Variants in IGF2R observed in about 807,000 individuals in gnomAD.
The protein encoded by IGF2R is insulin like growth factor 2 receptor.
Under a neutral mutation model 270.6 loss-of-function variants are expected in IGF2R, and 91 were observed. The ratio of observed to expected loss-of-function variants is 0.34; its 90% confidence interval spans 0.28 to 0.40. IGF2R has a LOEUF of 0.40. IGF2R is among the 10% of genes least tolerant of loss of function. The probability of loss-of-function intolerance (pLI) is 1.00; values close to 1 mark genes in which losing one functional copy is unlikely to be tolerated. For missense variants in IGF2R, 2,805 were observed against 3,188.3 expected (o/e 0.88, Z 2.90); for synonymous variants, 1,316 against 1,258.9 (o/e 1.05, Z -0.96).
intron 8 of IGF2R, 106 bp from the exon 9 acceptor site, chr6:160,032,836 G>A (rs755364133): frequency 2.1e-6 from 3 of 1,397,342 alleles, no homozygotes; most frequent in East Asian, 2.3e-5. Flanking sequence ...TGTAGTTTGG[G>A]CTGGTGTTTC....
chr6:160,021,499 C>T lies in IGF2R; in HGVS notation c.514-3073C>T, dbSNP rs907716997. On this transcript the variant is annotated intron_variant, in intron 4 of 47. Transcript: ENST00000356956. ...AGGAGATATACCTAATGCTAAATGA[C>T]GAGTTAATGGGTTCAGCACACCAAC... Among the ~76,000 whole-genome samples the T allele has an allele frequency of 4.7e-5, 7 of 149,518 alleles. No homozygotes were observed. The South Asian group carries it at 6.4e-4, about 14-fold the overall frequency.
At chr6:160,009,205 A>G (rs976783898) in intron 3 of IGF2R, 71 bp downstream of exon 3, 20 of 1,379,340 alleles carry the variant, frequency 1.4e-5, no homozygotes, top group South Asian at 5.6e-5. Flanking sequence ...TTCTGGCTGT[A>G]GAGGTATTCC....
chr6:159,994,791 C>T (rs1162511285), intron 2 of IGF2R, among the ~76,000 whole-genome samples: 1 of 152,112 alleles, frequency 6.6e-6, no homozygotes, highest in Non-Finnish European at 1.5e-5. Flanking sequence ...TTTTATTCCG[C>T]TGTGATCTGG....
At chr6:160,061,688 A>G in intron 24 of IGF2R, 42 bp downstream of exon 24, 3 of 1,613,604 alleles carry the variant, frequency 1.9e-6, no homozygotes, top group Non-Finnish European at 2.5e-6. Context: ...TGTTCATTTT[A>G]TTAGAGCATT....
chr6:160,072,457 G>T (rs746998186), intron 32 of IGF2R, among the ~76,000 whole-genome samples: 1 of 152,204 alleles, frequency 6.6e-6, no homozygotes, highest in African/African-American at 2.4e-5. Context: ...CAGTCCATTG[G>T]CAGCAAGAGG....
At position 160,064,387 on chromosome 6, in the gene IGF2R, C is replaced by T. The variant is rs766367507; in HGVS notation, c.3887-14C>T. On this transcript the variant is annotated splice_polypyrimidine_tract_variant and intron_variant, in intron 27 of 47. Coordinates refer to ENST00000356956, the MANE Select transcript of IGF2R (RefSeq NM_000876.4). The stretch of plus-strand genomic sequence containing the variant: ...CCCGAACCAAACCTTGTTTAATGTT[C>T]TCCTTCTTTACAGGTCTCCTGACTC... 2 of 1,614,140 alleles carry T rather than the reference C, an allele frequency of 1.2e-6. No individual in the cohort carries two copies. The highest frequency in any genetic ancestry group is 1.7e-5 in the Admixed American group (1 of 60,016).
chr6:159,986,339 C>G (rs1265014770), intron 1 of IGF2R, among the ~76,000 whole-genome samples: 2 of 150,360 alleles, frequency 1.3e-5, no homozygotes, highest in East Asian at 3.9e-4. Context: ...TCAAGCTATT[C>G]TCGTGCCTCA....
At position 160,061,865 on chromosome 6, in the gene IGF2R, C is replaced by T. The variant is rs116968873; in HGVS notation, c.3519C>T (p.Asn1173=). The T allele has an allele frequency of 1.9e-4, 309 of 1,614,150 alleles. 4 individuals carry two copies. In the East Asian group the frequency reaches 3.6e-3, roughly 19 times the overall value. ...ANGSLSIMYV[N]GDKCGNQRFS... ...GATCTTTGAGCATCATGTATGTCAACGGTGACAAGTGTGGGAACCAGCGCT... is the reference window on the plus strand; with the variant it reads ...GATCTTTGAGCATCATGTATGTCAATGGTGACAAGTGTGGGAACCAGCGCT... The change falls in exon 25 of 48, where the codon AAC becomes AAT. Residue 1173 remains asparagine, a synonymous_variant. Transcript: ENST00000356956.
chr6:160,087,722 T>C (rs567598057), intron 41 of IGF2R, among the ~76,000 whole-genome samples: 9 of 152,296 alleles, frequency 5.9e-5, no homozygotes, highest in Non-Finnish European at 1.2e-4. Context: ...CAGGCTGGAG[T>C]GCAATGGCGC....
intron 44 of IGF2R, among the ~76,000 whole-genome samples, chr6:160,091,037 C>G (rs376036920): frequency 8.5e-6 from 1 of 117,788 alleles, no homozygotes; most frequent in African/African-American, 3.4e-5. Context: ...CTGAGCGCAT[C>G]GCTGAGAAGG....
intron 22 of IGF2R, 122 bp from the exon 23 acceptor site, chr6:160,060,425 T>C: frequency 1.1e-6 from 1 of 901,170 alleles, no homozygotes; most frequent in Non-Finnish European, 1.8e-6. Flanking sequence ...GTGTCATTGC[T>C]CCCACGAACG....
At chr6:160,039,417 G>T (rs942760514) in intron 10 of IGF2R, among the ~76,000 whole-genome samples, 1 of 152,234 alleles carries the variant, frequency 6.6e-6, no homozygotes, top group Admixed American at 6.5e-5. Flanking sequence ...TATAAAGAAA[G>T]TACTTAAACA....
At position 160,105,179 on chromosome 6, in the gene IGF2R, C is replaced by G; in HGVS notation, c.*95C>G. On this transcript the variant is annotated 3_prime_UTR_variant, in exon 48 of 48. Coordinates refer to ENST00000356956, the MANE Select transcript of IGF2R (RefSeq NM_000876.4). ...ACTCGATGATGCTTCTATAATTTTG[C>G]CTTTAACAGAAACTTTCAAAAGGGA... 8.5e-7 allele frequency: 1 copy of G among 1,173,640 alleles called. No individual in the cohort carries two copies. The allele number at this position is 1,173,640 out of a possible 1,614,324, so 72.7% of individuals were successfully genotyped here. A position where few individuals can be genotyped will look rare whatever the true frequency, so the allele number is the denominator to read the frequency against.
At position 160,064,432 on chromosome 6, in the gene IGF2R, T is replaced by A; in HGVS notation, c.3918T>A (p.Asn1306Lys). ...GLLTQKLTYE[N>K]GLLKMNFTGG... ...TGACTCAGAAGCTAACTTATGAAAATGGCTTGTTAAAAATGAACTTCACGG... is the reference window on the plus strand; with the variant it reads ...TGACTCAGAAGCTAACTTATGAAAAAGGCTTGTTAAAAATGAACTTCACGG... The change falls in exon 28 of 48, where the codon AAT becomes AAA. Residue 1306 changes from asparagine (N) to lysine (K), a missense_variant. Physicochemically the swap from Asn to Lys is moderately conservative, Grantham distance 94. This residue lies in a region of IGF2R where 1,851 missense variants were observed against 2,207.2 expected (regional missense o/e 0.84). Coordinates refer to ENST00000356956, the MANE Select transcript of IGF2R (RefSeq NM_000876.4). 6.2e-7 allele frequency: 1 copy of A among 1,614,090 alleles called. No individual in the cohort carries two copies. The highest frequency in any genetic ancestry group is 8.5e-7 in the Non-Finnish European group (1 of 1,180,012).
chr6:160,026,898 ATGT>A (rs1233990990), intron 5 of IGF2R, among the ~76,000 whole-genome samples: 1 of 152,032 alleles, frequency 6.6e-6, no homozygotes, highest in Admixed American at 6.6e-5. Context: ...GATAGTGCTA[ATGT>A]TGTTGTACCT....
rs757762773 is a variant in IGF2R at position 160,075,829 on chromosome 6, C to T, written c.5167-18C>T. On this transcript the variant is annotated intron_variant, in intron 35 of 47. Transcript: ENST00000356956. ...GGTTAATTTCCTGAAATACTGTTTGCCCTCGCTCTTTGTTTAGGATATCGG... is the reference window on the plus strand; with the variant it reads ...GGTTAATTTCCTGAAATACTGTTTGTCCTCGCTCTTTGTTTAGGATATCGG... The T allele has an allele frequency of 3.7e-6, 6 of 1,610,456 alleles. No homozygotes were observed. The Admixed American group carries it at 8.3e-5, about 22-fold the overall frequency.
chr6:160,103,749 A>T lies in IGF2R; in HGVS notation c.6999A>T (p.Glu2333Asp), dbSNP rs1240700601. Residue 2333 changes from glutamate to aspartate, a missense_variant, in exon 47 of 48, where the codon GAA (glutamate) becomes GAT (aspartate). By Grantham distance (45) the Glu-to-Asp change is conservative. Transcript: ENST00000356956. ...ATTGTCTCCTTTTTTTTTATAGGGA[A>T]ACAGTGATAAGTAAGCTGACCACTT... is the stretch of plus-strand genomic sequence containing the variant. ...ALLLYKKERR[E>D]TVISKLTTCC... is the part of the protein sequence containing the mutation. 6 of 1,607,104 alleles carry T rather than the reference A, an allele frequency of 3.7e-6. No individual in the cohort carries two copies. Among genetic ancestry groups the T allele is most frequent in the African/African-American group, 1.3e-5 (1 of 74,722 alleles).
At chr6:160,074,584 T>G (rs1778817074) in intron 35 of IGF2R, among the ~76,000 whole-genome samples, 1 of 152,238 alleles carries the variant, frequency 6.6e-6, no homozygotes, top group Non-Finnish European at 1.5e-5. Context: ...TACTAGCATG[T>G]TTTAATAGAA....
Position 160,046,573 on chromosome 6 carries a change from A to G in IGF2R, c.1979A>G (p.Tyr660Cys). ...GTTGAGACAAAGAAGTATGACTTTT[A>G]TATAAATGTGTGTGGCCCGGTGTCT... ...YKVETKKYDF[Y>C]INVCGPVSVS... Residue 660 changes from tyrosine (Y) to cysteine (C), a missense_variant, in exon 15 of 48, where the codon TAT (tyrosine) becomes TGT (cysteine). Physicochemically the swap from Tyr to Cys is radical, Grantham distance 194. Coordinates refer to ENST00000356956, the MANE Select transcript of IGF2R (RefSeq NM_000876.4). The G allele has an allele frequency of 6.2e-7, 1 of 1,614,060 alleles. No homozygotes were observed.
Sources: allele counts gnomAD v4.1 joint callset (sites outside exome capture counted in the v4.1 genomes callset), GRCh38; gene constraint gnomAD v4.1.1; regional missense constraint gnomAD v4.1.1; transcripts MANE v1.5; gene names NCBI Gene and HGNC (gene_info 2026-07-23, HGNC 2026-07-21).